FSTL4: variants seen among roughly 807,000 people sequenced by gnomAD.
FSTL4 encodes the protein follistatin-related protein 4.
Under a neutral mutation model 78.2 loss-of-function variants are expected in FSTL4, and 28 were observed. The observed-to-expected ratio is 0.36, with a 90% confidence interval of 0.27 to 0.49. The LOEUF is 0.49. Among genes scored for constraint, FSTL4 ranks in the 20% least tolerant of loss-of-function variants. FSTL4 has a pLI of 0.98. For synonymous variants in FSTL4, 422 were observed against 440.5 expected (o/e 0.96, Z 0.53); for missense variants, 922 against 1,084.9 (o/e 0.85, Z 2.11).
intron 3 of FSTL4, among the ~76,000 whole-genome samples, chr5:133,410,970 A>C (rs1756466712): frequency 6.6e-6 from 1 of 152,208 alleles, no homozygotes; most frequent in East Asian, 1.9e-4. Flanking sequence ...GAGGCCTCTG[A>C]CAGGTGGGCC....
At chr5:133,200,660 C>T (rs925170594) in intron 15 of FSTL4, among the ~76,000 whole-genome samples, 2 of 152,222 alleles carry the variant, frequency 1.3e-5, no homozygotes, top group African/African-American at 4.8e-5. Flanking sequence ...TATGGAAAAG[C>T]CTGACTCCAG....
intron 4 of FSTL4, among the ~76,000 whole-genome samples, chr5:133,394,232 GC>G (rs570195900): frequency 2.5e-4 from 38 of 152,384 alleles, no homozygotes; most frequent in African/African-American, 9.1e-4. Flanking sequence ...CGCCTCCTCA[GC>G]CTTGGCGCCC....
chr5:133,460,179 T>C (rs745829012), intron 3 of FSTL4, among the ~76,000 whole-genome samples: 7 of 152,148 alleles, frequency 4.6e-5, no homozygotes, highest in Non-Finnish European at 1.0e-4. Context: ...CTGTGGAGTG[T>C]ACTTTCATTT....
At chr5:133,772,634 G>A in the FSTL4 span, among the ~76,000 whole-genome samples, 11 of 152,126 alleles carry the variant, frequency 7.2e-5, no homozygotes, top group Non-Finnish European at 1.2e-4. Flanking sequence ...TTCCATGGAG[G>A]AAGGTAGAAA....
chr5:133,541,759 A>G (rs1429103232), intron 3 of FSTL4, among the ~76,000 whole-genome samples: 1 of 152,102 alleles, frequency 6.6e-6, no homozygotes, highest in Non-Finnish European at 1.5e-5. Context: ...TTTTTCTGAC[A>G]CCAAATAACC....
rs113473281 is a variant in FSTL4, at chr5:133,567,418, T to C, written c.127-199A>G. ...TAAACAACTTGTTGCTTTGAGGGCT[T>C]AGGCAAAAAAAATCCTGTTAATCAC... On this transcript the variant is annotated intron_variant, in intron 2 of 15. Coordinates refer to ENST00000265342, the MANE Select transcript of FSTL4 (RefSeq NM_015082.2). 2.7e-3 allele frequency among the ~76,000 whole-genome samples: 416 copies of C among 152,276 alleles called. 4 individuals are homozygous for C. The highest frequency in any genetic ancestry group is 0.014 in the Middle Eastern group (4 of 294).
At chr5:133,461,346 G>C (rs1464362924) in intron 3 of FSTL4, among the ~76,000 whole-genome samples, 1 of 152,206 alleles carries the variant, frequency 6.6e-6, no homozygotes, top group Non-Finnish European at 1.5e-5. Flanking sequence ...CAGGGTGACT[G>C]TCACATTTTT....
At chr5:133,344,420 T>G (rs1336116233) in intron 4 of FSTL4, among the ~76,000 whole-genome samples, 1 of 152,238 alleles carries the variant, frequency 6.6e-6, no homozygotes, top group Non-Finnish European at 1.5e-5. Context: ...ATTCTGATGA[T>G]GTAACCCTCA....
chr5:133,387,301 AG>A (rs1274426307), intron 4 of FSTL4, among the ~76,000 whole-genome samples: 1 of 152,202 alleles, frequency 6.6e-6, no homozygotes, highest in African/African-American at 2.4e-5. Flanking sequence ...TAACTGGGAA[AG>A]TTATCTGGCT....
chr5:133,663,148 G>A, the FSTL4 span, among the ~76,000 whole-genome samples: 1 of 151,868 alleles, frequency 6.6e-6, no homozygotes, highest in Admixed American at 6.5e-5. Flanking sequence ...TGAACAGTCT[G>A]TAATTGCGGT....
intron 4 of FSTL4, among the ~76,000 whole-genome samples, chr5:133,367,309 T>A (rs971123284): frequency 6.6e-6 from 1 of 152,118 alleles, no homozygotes; most frequent in African/African-American, 2.4e-5. Flanking sequence ...ACAAGACTGG[T>A]TTTTAGCACC....
chr5:133,491,706 T>A (rs73283650), intron 3 of FSTL4, among the ~76,000 whole-genome samples: 2,202 of 152,206 alleles, frequency 0.014, 52 homozygotes, highest in African/African-American at 0.049. Context: ...CTGGCCTAAT[T>A]TTTTCTTTTA....
chr5:133,215,286 C>A (rs143527896), intron 13 of FSTL4, among the ~76,000 whole-genome samples: 34 of 152,312 alleles, frequency 2.2e-4, no homozygotes, highest in African/African-American at 7.9e-4. Flanking sequence ...TGCTTCAGGA[C>A]TCCAATCTTG....
At chr5:133,830,775 C>G in the FSTL4 span, among the ~76,000 whole-genome samples, 1 of 152,124 alleles carries the variant, frequency 6.6e-6, no homozygotes, top group Non-Finnish European at 1.5e-5. Flanking sequence ...CCCCAGACTC[C>G]GCGGCACAGC....
intron 4 of FSTL4, among the ~76,000 whole-genome samples, chr5:133,368,400 G>C (rs998382515): frequency 6.6e-6 from 1 of 152,228 alleles, no homozygotes; most frequent in Non-Finnish European, 1.5e-5. Flanking sequence ...ACACTGGGGA[G>C]TTATGTGCTT....
the FSTL4 span, among the ~76,000 whole-genome samples, chr5:133,830,276 C>CTT: frequency 6.6e-6 from 1 of 152,198 alleles, no homozygotes; most frequent in East Asian, 1.9e-4. Flanking sequence ...GCTGAGCAGG[C>CTT]TTCTGGGCCA....
chr5:133,242,656 T>C (rs1350063711), intron 7 of FSTL4, among the ~76,000 whole-genome samples: 1 of 152,110 alleles, frequency 6.6e-6, no homozygotes, highest in Non-Finnish European at 1.5e-5. Flanking sequence ...TGGAGTACCA[T>C]AGGCCCCGGC....
At chr5:133,224,519 A>G (rs1751263474) in intron 10 of FSTL4, 1 of 270,632 alleles carries the variant, frequency 3.7e-6, no homozygotes, top group Non-Finnish European at 6.9e-6. Flanking sequence ...AGTAAGCAAC[A>G]TCTCTCCCAG....
intron 3 of FSTL4, among the ~76,000 whole-genome samples, chr5:133,506,405 C>T (rs1758613314): frequency 6.6e-6 from 1 of 152,078 alleles, no homozygotes; most frequent in Non-Finnish European, 1.5e-5. Flanking sequence ...TTGATTCTAT[C>T]AACTTGTCAC....
Sources: gnomAD v4.1 joint callset for allele counts (sites outside exome capture counted in the v4.1 genomes callset) on GRCh38, gnomAD v4.1.1 for gene constraint, MANE v1.5 for transcripts, NCBI Gene and HGNC (gene_info 2026-07-23, HGNC 2026-07-21) for gene names.